Variants in NRXN3 observed in about 807,000 individuals in gnomAD.
The protein encoded by NRXN3 is neurexin 3.
NRXN3 carries 32 observed loss-of-function variants against 137.6 expected under a neutral mutation model. The observed-to-expected ratio is 0.23, with a 90% CI of 0.18 to 0.31. The LOEUF is 0.31. NRXN3 is among the 10% of genes least tolerant of loss of function. The pLI is 1.00. For missense variants in NRXN3, 1,574 were observed against 2,062.5 expected, an observed-to-expected ratio of 0.76 and a Z score of 4.59; for synonymous variants, 798 against 784.5, an observed-to-expected ratio of 1.02 and a Z score of -0.29.
In NRXN3 at chr14:78,810,302, AT is replaced by A; in HGVS notation, c.2249-11del. On this transcript the variant is annotated splice_polypyrimidine_tract_variant and intron_variant, in intron 9 of 20. Transcript: ENST00000335750. ...AAGGATGCAATTTCATCTTTCATTT[AT>A]TTTTCCCCATCTAGACTGTATCAGG... 5.4e-6 allele frequency: 8 copies of A among 1,489,516 alleles called. No individual in the cohort carries two copies. The highest frequency in any genetic ancestry group is 1.3e-5 in the South Asian group (1 of 79,352). 92.3% of individuals were successfully genotyped at this position (1,489,516 alleles called of 1,614,324 possible). A position where few individuals can be genotyped will look rare whatever the true frequency, so the allele number is the denominator to read the frequency against.
chr14:78,282,058 C>T (rs2074480816), intron 3 of NRXN3: 1 of 454,856 alleles, frequency 2.2e-6, no homozygotes, highest in Non-Finnish European at 4.5e-6. Context: ...TAAAGGGTAT[C>T]CTGTCCAAGG....
chr14:79,551,184 T>C (rs2097369437), intron 16 of NRXN3, among the ~76,000 whole-genome samples: 1 of 152,222 alleles, frequency 6.6e-6, no homozygotes, highest in African/African-American at 2.4e-5. Context: ...GCATTTCTTA[T>C]GTGCCTAATA....
intron 16 of NRXN3, among the ~76,000 whole-genome samples, chr14:79,493,758 C>T (rs1483031990): frequency 6.6e-6 from 1 of 152,160 alleles, no homozygotes; most frequent in African/African-American, 2.4e-5. Context: ...CCTTGAAATT[C>T]CCATGCAATT....
At chr14:78,293,985 G>A (rs1011646361) in intron 3 of NRXN3, among the ~76,000 whole-genome samples, 12 of 152,178 alleles carry the variant, frequency 7.9e-5, no homozygotes, top group African/African-American at 2.7e-4. Flanking sequence ...TACCTGGAAT[G>A]TCCTCCATCT....
In NRXN3 at chr14:79,620,663, G is replaced by A. The variant is rs75112811; in HGVS notation, c.3445-43115G>A. Among the ~76,000 whole-genome samples, 1,203 of 152,220 alleles carry A rather than the reference G, an allele frequency of 7.9e-3. 16 individuals carry two copies. Among genetic ancestry groups the A allele is most frequent in the African/African-American group, 0.027 (1,107 of 41,560 alleles). Reference sequence around the variant, plus strand: ...CTCAAAGTGGATAATTTATTTAGAGGCAACTGGCTTTGGAGGAAAGAGAAA... The same window carrying A: ...CTCAAAGTGGATAATTTATTTAGAGACAACTGGCTTTGGAGGAAAGAGAAA... On this transcript the variant is annotated intron_variant, in intron 16 of 20. Transcript: ENST00000335750.
intron 15 of NRXN3, among the ~76,000 whole-genome samples, chr14:79,150,867 C>A (rs2059738431): frequency 6.6e-6 from 1 of 152,024 alleles, no homozygotes; most frequent in African/African-American, 2.4e-5. Context: ...AGCTGCATGG[C>A]AGCCATTATT....
At position 79,020,184 on chromosome 14, in the gene NRXN3, C is replaced by T. The variant is rs1157139383; in HGVS notation, c.3262+32043C>T. Reference sequence around the variant, plus strand: ...CTTCCCTTCCCTTCCCTTCCCTTCCCTTCCCTTCCCTCCCCTCCCCTCCCC... The same window carrying T: ...CTTCCCTTCCCTTCCCTTCCCTTCCTTTCCCTTCCCTCCCCTCCCCTCCCC... On this transcript the variant is annotated intron_variant, in intron 15 of 20. Transcript: ENST00000335750. Among the ~76,000 whole-genome samples the T allele has an allele frequency of 2.0e-3, 13 of 6,406 alleles. 1 individual carries two copies. Among genetic ancestry groups the T allele is most frequent in the Admixed American group, 0.01 (6 of 572 alleles). 4.2% of individuals were successfully genotyped at this position (6,406 alleles called of 152,430 possible).
chr14:79,259,747 T>C (rs915874934), intron 15 of NRXN3, among the ~76,000 whole-genome samples: 3 of 145,212 alleles, frequency 2.1e-5, no homozygotes, highest in African/African-American at 5.2e-5. Flanking sequence ...CACACACATA[T>C]ACACACACAC....
intron 15 of NRXN3, among the ~76,000 whole-genome samples, chr14:79,383,911 G>A (rs1328050638): frequency 1.3e-5 from 2 of 151,948 alleles, no homozygotes; most frequent in Non-Finnish European, 2.9e-5. Flanking sequence ...CCTTTATAAT[G>A]TAACAGCTTT....
intron 4 of NRXN3, among the ~76,000 whole-genome samples, chr14:78,361,758 G>T (rs2085151940): frequency 6.6e-6 from 1 of 152,186 alleles, no homozygotes; most frequent in Non-Finnish European, 1.5e-5. Context: ...TATTTTGAAA[G>T]TATCCTTCCT....
intron 4 of NRXN3, among the ~76,000 whole-genome samples, chr14:78,359,403 C>T (rs147609745): frequency 3.9e-5 from 6 of 152,250 alleles, no homozygotes; most frequent in African/African-American, 1.2e-4. Flanking sequence ...CACAGAGGGC[C>T]CCGTGCTCAG....
intron 6 of NRXN3, among the ~76,000 whole-genome samples, chr14:78,708,754 G>A (rs1242078044): frequency 6.6e-6 from 1 of 152,122 alleles, no homozygotes; most frequent in Non-Finnish European, 1.5e-5. Context: ...GACCTGGAGA[G>A]CTTCCACATC....
chr14:79,354,881 G>A (rs969417124), intron 15 of NRXN3, among the ~76,000 whole-genome samples: 4 of 152,152 alleles, frequency 2.6e-5, no homozygotes, highest in East Asian at 1.9e-4. Context: ...AGTAGATGCT[G>A]ACATATGAGG....
At chr14:79,021,855 A>G (rs2099590229) in intron 15 of NRXN3, among the ~76,000 whole-genome samples, 1 of 152,294 alleles carries the variant, frequency 6.6e-6, no homozygotes, top group African/African-American at 2.4e-5. Flanking sequence ...GATGGTGGTG[A>G]CATCATCTGC....
rs548959218 is a variant in NRXN3, at chr14:78,556,243, C to G, written c.758-88877C>G. On this transcript the variant is annotated intron_variant, in intron 4 of 20. Coordinates refer to ENST00000335750, the MANE Select transcript of NRXN3 (RefSeq NM_001330195.2). ...TTCATGACATCACTAATTCATACATCTATTATGCAACTCATGCCAAGAGGC... is the reference window on the plus strand; with the variant it reads ...TTCATGACATCACTAATTCATACATGTATTATGCAACTCATGCCAAGAGGC... Among the ~76,000 whole-genome samples, 3 of 152,338 alleles carry G rather than the reference C, an allele frequency of 2.0e-5. No homozygotes were observed. In the South Asian group the frequency reaches 6.2e-4, roughly 32 times the overall value.
intron 4 of NRXN3, among the ~76,000 whole-genome samples, chr14:78,455,810 G>C (rs1394564898): frequency 6.6e-6 from 1 of 152,096 alleles, no homozygotes; most frequent in Non-Finnish European, 1.5e-5. Flanking sequence ...CTTTTGCCCA[G>C]AACTCAATTT....
chr14:79,034,493 C>T (rs147876445), intron 15 of NRXN3, among the ~76,000 whole-genome samples: 339 of 152,160 alleles, frequency 2.2e-3, no homozygotes, highest in African/African-American at 7.8e-3. Context: ...GTCTGAGCCC[C>T]GTTGTACCAT....
intron 6 of NRXN3, among the ~76,000 whole-genome samples, chr14:78,707,591 G>T (rs2098365952): frequency 1.3e-5 from 2 of 152,124 alleles, no homozygotes; most frequent in South Asian, 2.1e-4. Flanking sequence ...TGGGGTTCAG[G>T]TGGTGTTTGG....
chr14:79,516,897 T>C (rs77173059), intron 16 of NRXN3, among the ~76,000 whole-genome samples: 7,711 of 152,322 alleles, frequency 0.051, 193 homozygotes, highest in Middle Eastern at 0.11. Flanking sequence ...TTTACTTAAC[T>C]GTTCCTTTAC....
Sources: allele counts gnomAD v4.1 joint callset (sites outside exome capture counted in the v4.1 genomes callset), GRCh38; gene constraint gnomAD v4.1.1; transcripts MANE v1.5; gene names NCBI Gene and HGNC (gene_info 2026-07-23, HGNC 2026-07-21).